The following CFAP54 variants were observed in gnomAD, a reference collection of about 807,000 sequenced individuals.
The protein encoded by CFAP54 is cilia- and flagella-associated protein 54.
CFAP54 carries 290 observed loss-of-function variants against 370.4 expected under a neutral mutation model. The observed-to-expected ratio is 0.78, with a 90% CI of 0.71 to 0.86. CFAP54 has a LOEUF of 0.86. Ranked by LOEUF, CFAP54 falls within the 40% of genes least tolerant of loss-of-function variation. The probability of loss-of-function intolerance (pLI) is 0.00; values close to 1 mark genes in which losing one functional copy is unlikely to be tolerated. For synonymous variants in CFAP54, 1,206 were observed against 1,236.5 expected (o/e 0.98, Z 0.52); for missense variants, 3,399 against 3,528.7 (o/e 0.96, Z 0.93).
intron 63 of CFAP54, among the ~76,000 whole-genome samples, chr12:96,793,404 G>A (rs1449952837): frequency 6.7e-6 from 1 of 148,176 alleles, no homozygotes; most frequent in Non-Finnish European, 1.5e-5. Flanking sequence ...TCCATGGTGT[G>A]TATGTGTGCA....
chr12:96,756,440 A>G lies in CFAP54; in HGVS notation c.7841-18A>G, dbSNP rs1662281037. ...TAGAAAAAGGAAAAACCATCTTTGTATCTTTTTCTTCTTTCAGGCAAAATA... is the reference window on the plus strand; with the variant it reads ...TAGAAAAAGGAAAAACCATCTTTGTGTCTTTTTCTTCTTTCAGGCAAAATA... On this transcript the variant is annotated intron_variant, in intron 56 of 67. Coordinates refer to ENST00000524981, the MANE Select transcript of CFAP54 (RefSeq NM_001306084.2). The G allele has an allele frequency of 2.1e-6, 3 of 1,446,096 alleles. No homozygotes were observed. The highest frequency in any genetic ancestry group is 2.5e-5 in the South Asian group (2 of 81,082). 89.6% of individuals were successfully genotyped at this position (1,446,096 alleles called of 1,614,324 possible).
intron 39 of CFAP54, among the ~76,000 whole-genome samples, chr12:96,671,208 G>A (rs1957142375): frequency 6.6e-6 from 1 of 152,126 alleles, no homozygotes. Context: ...CTGACCTCAA[G>A]TGATCCACTC....
At chr12:96,657,822 G>GA (rs1308728340) in intron 36 of CFAP54, 60 bp from the exon 37 acceptor site, 4 of 1,201,064 alleles carry the variant, frequency 3.3e-6, no homozygotes, top group South Asian at 1.5e-5. Flanking sequence ...TCAGTTTTCA[G>GA]AAAAAATATG....
chr12:96,549,109 C>G (rs1198428550), intron 15 of CFAP54, among the ~76,000 whole-genome samples: 1 of 152,208 alleles, frequency 6.6e-6, no homozygotes, highest in African/African-American at 2.4e-5. Flanking sequence ...CCACCTCGGC[C>G]TCCCAAAGTG....
intron 36 of CFAP54, among the ~76,000 whole-genome samples, chr12:96,656,179 G>T (rs1956920707): frequency 6.6e-6 from 1 of 152,114 alleles, no homozygotes; most frequent in African/African-American, 2.4e-5. Flanking sequence ...TCTGGCCTTG[G>T]CTGTGCCAGA....
At position 96,626,873 on chromosome 12, in the gene CFAP54, G is replaced by A; in HGVS notation, c.4037G>A (p.Cys1346Tyr). ...LEFFTQVMLK[C>Y]MNEEKFHLMV... ...TTCTTTACACAAGTTATGCTAAAAT[G>A]CATGAATGAGGAAAAATTTCATCTT... is the stretch of plus-strand genomic sequence containing the variant. Residue 1346 changes from cysteine (C) to tyrosine (Y), a missense_variant, in exon 30 of 68, where the codon TGC (cysteine) becomes TAC (tyrosine). Coordinates refer to ENST00000524981, the MANE Select transcript of CFAP54 (RefSeq NM_001306084.2). 1 of 1,429,438 alleles carries A rather than the reference G, an allele frequency of 7.0e-7. No individual in the cohort carries two copies. Among genetic ancestry groups the A allele is most frequent in the Non-Finnish European group, 9.2e-7 (1 of 1,082,000 alleles). 88.5% of individuals were successfully genotyped at this position (1,429,438 alleles called of 1,614,324 possible).
intron 58 of CFAP54, among the ~76,000 whole-genome samples, chr12:96,759,291 GA>G (rs35885233): frequency 0.02 from 2,887 of 141,636 alleles, 39 homozygotes; most frequent in South Asian, 0.082. Flanking sequence ...TCCAGTAACA[GA>G]AAAAAAAAAA....
At chr12:96,610,726 C>T (rs977583315) in intron 26 of CFAP54, among the ~76,000 whole-genome samples, 1 of 152,222 alleles carries the variant, frequency 6.6e-6, no homozygotes, top group Non-Finnish European at 1.5e-5. Context: ...GCAAATGGCA[C>T]ACCAGGAGAT....
At chr12:96,541,652 G>C (rs887897906) in intron 14 of CFAP54, among the ~76,000 whole-genome samples, 3 of 151,998 alleles carry the variant, frequency 2.0e-5, no homozygotes, top group Admixed American at 6.6e-5. Flanking sequence ...GTGAATGCTT[G>C]AAGGAAGACT....
Position 96,538,468 on chromosome 12 carries a change from A to T in CFAP54, c.1876A>T (p.Ile626Leu). ...KCKLGIQRLN[I>L]SRNDYAKFTQ... ...CAAATTAGGAATTCAGCGGCTCAATATATCCAGAAATGACTATGCAAAATT... is the reference window on the plus strand; with the variant it reads ...CAAATTAGGAATTCAGCGGCTCAATTTATCCAGAAATGACTATGCAAAATT... The change falls in exon 13 of 68, where the codon ATA becomes TTA. Residue 626 changes from isoleucine to leucine, a missense_variant. By Grantham distance (5) the Ile-to-Leu change is conservative. Around this residue, in one of 3 missense-constraint regions of CFAP54, gnomAD observed 2,796 missense variants for 2,869.7 expected, o/e 0.97. Coordinates refer to ENST00000524981, the MANE Select transcript of CFAP54 (RefSeq NM_001306084.2). 3 of 1,536,198 alleles carry T rather than the reference A, an allele frequency of 2.0e-6. No homozygotes were observed. The highest frequency in any genetic ancestry group is 2.6e-6 in the Non-Finnish European group (3 of 1,146,858).
chr12:96,493,997 G>A (rs914087260), intron 1 of CFAP54, among the ~76,000 whole-genome samples: 4 of 152,190 alleles, frequency 2.6e-5, no homozygotes, highest in Non-Finnish European at 5.9e-5. Context: ...ATGTAGTGGG[G>A]ACTTGCTTTC....
At chr12:96,620,589 A>G (rs143343095) in intron 26 of CFAP54, among the ~76,000 whole-genome samples, 150 of 152,356 alleles carry the variant, frequency 9.8e-4, no homozygotes, top group African/African-American at 3.4e-3. Flanking sequence ...GAACAAACTA[A>G]TACACTTGTC....
Position 96,743,758 on chromosome 12 carries a change from G to A in CFAP54, c.7405G>A (p.Glu2469Lys), listed in dbSNP as rs1958079242. The change falls in exon 54 of 68, where the codon GAA (glutamate) becomes AAA (lysine). Residue 2469 changes from glutamate (E) to lysine (K), a missense_variant. Transcript: ENST00000524981. ...TATAATACATTTGCTGGAAGGAAAT[G>A]AATTTATTTCTCCTCAATCACGGCT... The part of the protein sequence containing the change: ...QDIIHLLEGN[E>K]FISPQSRLTL... The A allele has an allele frequency of 6.2e-7, 1 of 1,609,516 alleles. No individual in the cohort carries two copies. Among genetic ancestry groups the A allele is most frequent in the African/African-American group, 1.3e-5 (1 of 74,568 alleles).
intron 60 of CFAP54, among the ~76,000 whole-genome samples, chr12:96,766,584 T>C (rs754712204): frequency 2.0e-5 from 3 of 152,174 alleles, no homozygotes; most frequent in Non-Finnish European, 2.9e-5. Flanking sequence ...TCAGTTGACA[T>C]CCTAGCTCTC....
intron 30 of CFAP54, 84 bp downstream of exon 30, chr12:96,627,023 GAA>G (rs1956556236): frequency 2.0e-6 from 2 of 995,066 alleles, no homozygotes; most frequent in Non-Finnish European, 2.6e-6. Context: ...TAAGGTAGAC[GAA>G]AAAGAGAGTG....
intron 26 of CFAP54, among the ~76,000 whole-genome samples, chr12:96,616,064 A>G (rs1162968231): frequency 3.3e-5 from 5 of 151,758 alleles, no homozygotes; most frequent in African/African-American, 4.9e-5. Context: ...ACATGCACAC[A>G]TATGTTTATT....
At chr12:96,819,639 A>G (rs1482891966) in intron 65 of CFAP54, among the ~76,000 whole-genome samples, 1 of 152,142 alleles carries the variant, frequency 6.6e-6, no homozygotes, top group Non-Finnish European at 1.5e-5. Context: ...GACCCTGTAA[A>G]TGATGTTCAC....
chr12:96,678,837 TCTTC>T (rs1957239510), intron 39 of CFAP54, among the ~76,000 whole-genome samples: 1 of 152,186 alleles, frequency 6.6e-6, no homozygotes, highest in African/African-American at 2.4e-5. Flanking sequence ...CCTCTTAACC[TCTTC>T]CAACTTACCA....
At chr12:96,815,212 G>T (rs181766605) in intron 64 of CFAP54, among the ~76,000 whole-genome samples, 1 of 152,162 alleles carries the variant, frequency 6.6e-6, no homozygotes, top group East Asian at 1.9e-4. Flanking sequence ...CCTCTCCAGC[G>T]TCTGTTGTTT....
Sources: gnomAD v4.1 joint callset for allele counts (sites outside exome capture counted in the v4.1 genomes callset) on GRCh38, gnomAD v4.1.1 for gene constraint, gnomAD v4.1.1 regional missense constraint, MANE v1.5 for transcripts, NCBI Gene and HGNC (gene_info 2026-07-23, HGNC 2026-07-21) for gene names.